Variants in GK5 observed in about 807,000 individuals in gnomAD.
The protein encoded by GK5 is glycerol kinase 5.
GK5 carries 39 observed loss-of-function variants against 77.3 expected under a neutral mutation model. The observed-to-expected ratio is 0.50, with a 90% CI of 0.39 to 0.66. GK5 has a LOEUF of 0.66. GK5 is among the 30% of genes least tolerant of loss of function. The probability of loss-of-function intolerance (pLI) is 0.00; values close to 1 mark genes in which losing one functional copy is unlikely to be tolerated. For missense variants in GK5, 487 were observed against 633.8 expected (o/e 0.77, Z 2.49); for synonymous variants, 211 against 208.0 (o/e 1.01, Z -0.13).
intron 14 of GK5, among the ~76,000 whole-genome samples, 192 bp downstream of exon 14, chr3:142,171,227 T>C (rs1392262559): frequency 6.6e-6 from 1 of 150,534 alleles, no homozygotes; most frequent in Non-Finnish European, 1.5e-5. Flanking sequence ...CAAGACTCTG[T>C]CTCGATAAAA....
rs574136729 is a variant in GK5 at position 142,184,198 on chromosome 3, T to G, written c.817-1149A>C. Among the ~76,000 whole-genome samples, 173 of 135,886 alleles carry G rather than the reference T, an allele frequency of 1.3e-3. 1 individual carries two copies. The highest frequency in any genetic ancestry group is 6.3e-3 in the Admixed American group (77 of 12,138). The allele number at this position is 135,886 out of a possible 152,430, so 89.1% of individuals were successfully genotyped here. A position where few individuals can be genotyped will look rare whatever the true frequency, so the allele number is the denominator to read the frequency against. ...ATGGCATGAGCCTGGAAGGCGGAGC[T>G]TGCAGTGAGCCGAGATCGCACCACT... On this transcript the variant is annotated intron_variant, in intron 9 of 15. Coordinates refer to ENST00000392993, the MANE Select transcript of GK5 (RefSeq NM_001039547.3).
At chr3:142,178,779 CA>C (rs2063655532) in intron 11 of GK5, among the ~76,000 whole-genome samples, 1 of 152,146 alleles carries the variant, frequency 6.6e-6, no homozygotes, top group Non-Finnish European at 1.5e-5. Context: ...TTTATTAACA[CA>C]AAGGAATGGA....
intron 11 of GK5, among the ~76,000 whole-genome samples, chr3:142,180,139 G>A (rs981340429): frequency 6.6e-6 from 1 of 152,066 alleles, no homozygotes; most frequent in African/African-American, 2.4e-5. Flanking sequence ...CTAAGAGTAT[G>A]GGGGGAAATC....
rs1270439441 is a variant in GK5, at chr3:142,225,493, C to T, written c.-38G>A. ...CGCCTCTCCGCTACAGCCGCCTACCCAGAGGGCGCGCTACAAATCCCAATG... is the reference window on the plus strand; with the variant it reads ...CGCCTCTCCGCTACAGCCGCCTACCTAGAGGGCGCGCTACAAATCCCAATG... On this transcript the variant is annotated 5_prime_UTR_variant, in exon 1 of 16. Transcript: ENST00000392993. The T allele has an allele frequency of 1.3e-6, 2 of 1,588,040 alleles. No homozygotes were observed. The highest frequency in any genetic ancestry group is 1.4e-5 in the African/African-American group (1 of 73,692).
At chr3:142,209,709 T>G (rs76956447) in intron 3 of GK5, among the ~76,000 whole-genome samples, 1 of 152,228 alleles carries the variant, frequency 6.6e-6, no homozygotes, top group Non-Finnish European at 1.5e-5. Context: ...AATGGGAATA[T>G]AGAGTAATTT....
intron 12 of GK5, among the ~76,000 whole-genome samples, chr3:142,172,769 C>T (rs142186073): frequency 0.012 from 1,869 of 152,298 alleles, 19 homozygotes; most frequent in South Asian, 0.031. Flanking sequence ...CAGCAATCCC[C>T]CTTCTCCAGC....
chr3:142,184,121 C>T (rs1223558325), intron 9 of GK5, among the ~76,000 whole-genome samples: 1 of 151,046 alleles, frequency 6.6e-6, no homozygotes, highest in African/African-American at 2.4e-5. Flanking sequence ...ATTAGCCAGG[C>T]GTGGTGGCAG....
chr3:142,183,766 TTAAAA>T, intron 9 of GK5, among the ~76,000 whole-genome samples: 1 of 151,916 alleles, frequency 6.6e-6, no homozygotes, highest in East Asian at 2.0e-4. Context: ...GGCCATTTCT[TTAAAA>T]ATTTTTTTGT....
chr3:142,162,341 A>G lies in GK5; in HGVS notation c.*3281T>C, dbSNP rs2063432033. On this transcript the variant is annotated 3_prime_UTR_variant, in exon 16 of 16. Transcript: ENST00000392993. ...TTTGAAGACATTTTTGGCCATAACAACTAGGGGGATGGTACTTGTAGCTAG... is the reference window on the plus strand; with the variant it reads ...TTTGAAGACATTTTTGGCCATAACAGCTAGGGGGATGGTACTTGTAGCTAG... 6.6e-6 allele frequency: 1 copy of G among 152,160 alleles called. No individual in the cohort carries two copies. Among genetic ancestry groups the G allele is most frequent in the Non-Finnish European group, 1.5e-5 (1 of 68,044 alleles). 9.4% of individuals were successfully genotyped at this position (152,160 alleles called of 1,614,324 possible).
rs989802700 is a variant in GK5, at chr3:142,184,791, G to C, written c.816+1138C>G. On this transcript the variant is annotated intron_variant, in intron 9 of 15. Transcript: ENST00000392993. ...GCGGAGGTCACAGTGAGCCATCGGT[G>C]AGATCATGCCATTGCACTCCAGTCT... 4.2e-5 allele frequency: 38 copies of C among 897,426 alleles called. No individual in the cohort carries two copies. The African/African-American group carries it at 6.5e-4, about 15-fold the overall frequency. 55.6% of individuals were successfully genotyped at this position (897,426 alleles called of 1,614,324 possible).
At chr3:142,196,450 T>C (rs1433695788) in intron 5 of GK5, among the ~76,000 whole-genome samples, 2 of 152,130 alleles carry the variant, frequency 1.3e-5, no homozygotes, top group African/African-American at 4.8e-5. Context: ...CTACATGTAA[T>C]ATCATTTTGC....
At chr3:142,202,095 C>T (rs1377282799) in intron 4 of GK5, among the ~76,000 whole-genome samples, 1 of 152,022 alleles carries the variant, frequency 6.6e-6, no homozygotes, top group Non-Finnish European at 1.5e-5. Flanking sequence ...GCTACAAGAA[C>T]AAAAACAGGC....
At chr3:142,181,886 G>A (rs77960417) in intron 10 of GK5, among the ~76,000 whole-genome samples, 3,948 of 152,288 alleles carry the variant, frequency 0.026, 185 homozygotes, top group African/African-American at 0.09. Flanking sequence ...ATTAGCTATA[G>A]GCATGTCTAC....
At position 142,164,209 on chromosome 3, in the gene GK5, A is replaced by C. The variant is rs2063449757; in HGVS notation, c.*1413T>G. 1 of 152,226 alleles carries C rather than the reference A, an allele frequency of 6.6e-6. No individual in the cohort carries two copies. Among genetic ancestry groups the C allele is most frequent in the African/African-American group, 2.4e-5 (1 of 41,466 alleles). The allele number at this position is 152,226 out of a possible 1,614,324, so 9.4% of individuals were successfully genotyped here. ...TATCATATCTGTCTCCAAAATGGAC[A>C]TATATGACAGCAAAAACAAAATTCT... On this transcript the variant is annotated 3_prime_UTR_variant, in exon 16 of 16. Transcript: ENST00000392993.
chr3:142,185,494 T>G, intron 9 of GK5: 4 of 996,162 alleles, frequency 4.0e-6, no homozygotes, highest in Non-Finnish European at 3.6e-6. Flanking sequence ...GCTAAGGACT[T>G]TATTAAATGT....
chr3:142,213,156 A>G (rs1433419015), intron 3 of GK5, among the ~76,000 whole-genome samples: 1 of 152,222 alleles, frequency 6.6e-6, no homozygotes, highest in Non-Finnish European at 1.5e-5. Flanking sequence ...TATTAAATTT[A>G]GAGTAGACTG....
chr3:142,213,402 C>A, intron 3 of GK5, 124 bp downstream of exon 3: 1 of 661,156 alleles, frequency 1.5e-6, no homozygotes, highest in East Asian at 2.6e-5. Context: ...CACATTTCAT[C>A]CCTCTTAACC....
chr3:142,224,845 G>A (rs1416274394), intron 1 of GK5, among the ~76,000 whole-genome samples: 8 of 151,566 alleles, frequency 5.3e-5, no homozygotes, highest in East Asian at 1.9e-4. Flanking sequence ...CTATAATAAA[G>A]AAAAAAGAAA....
In GK5 at chr3:142,213,651, T is replaced by C. The variant is rs572033477; in HGVS notation, c.242-50A>G. On this transcript the variant is annotated intron_variant, in intron 2 of 15. Transcript: ENST00000392993. ...CATGTTTTAAAGCCAGTGATATTTTTCTTTATAATATTACAATATAGAAAA... is the reference window on the plus strand; with the variant it reads ...CATGTTTTAAAGCCAGTGATATTTTCCTTTATAATATTACAATATAGAAAA... 23 of 1,184,782 alleles carry C rather than the reference T, an allele frequency of 1.9e-5. 1 individual carries two copies. In the South Asian group the frequency reaches 2.5e-4, roughly 13 times the overall value. 73.4% of individuals were successfully genotyped at this position (1,184,782 alleles called of 1,614,324 possible).
Sources: allele counts gnomAD v4.1 joint callset (sites outside exome capture counted in the v4.1 genomes callset), GRCh38; gene constraint gnomAD v4.1.1; transcripts MANE v1.5; gene names NCBI Gene and HGNC (gene_info 2026-07-23, HGNC 2026-07-21).